The following IQSEC3 variants were observed in gnomAD, a reference collection of about 807,000 sequenced individuals.
IQSEC3 encodes IQ motif and Sec7 domain ArfGEF 3.
In IQSEC3, 50 loss-of-function variants were observed where a neutral mutation model predicts 105.4. The ratio of observed to expected loss-of-function variants is 0.47; its 90% CI spans 0.38 to 0.60. The LOEUF is 0.60. Among genes scored for constraint, IQSEC3 ranks in the 20% least tolerant of loss-of-function variants. The pLI is 0.00. For missense variants in IQSEC3, 1,415 were observed against 1,630.0 expected (o/e 0.87, Z 2.27); for synonymous variants, 708 against 746.0 (o/e 0.95, Z 0.83).
chr12:163,479 C>G lies in IQSEC3; in HGVS notation c.2584-15C>G. ...GCCTCTGGTCTCTCCCGCTGAGCGC[C>G]CTGCCCGCGTGCAGGTGCTGTCCGT... is the stretch of plus-strand genomic sequence containing the variant. On this transcript the variant is annotated splice_polypyrimidine_tract_variant and intron_variant, in intron 8 of 13. Coordinates refer to ENST00000538872, the MANE Select transcript of IQSEC3 (RefSeq NM_001170738.2). 6.3e-7 allele frequency: 1 copy of G among 1,594,548 alleles called. No homozygotes were observed. The highest frequency in any genetic ancestry group is 1.7e-4 in the Middle Eastern group (1 of 5,998).
intron 1 of IQSEC3, among the ~76,000 whole-genome samples, chr12:73,024 T>C (rs1401618953): frequency 1.5e-5 from 2 of 136,030 alleles, no homozygotes; most frequent in Non-Finnish European, 3.1e-5. Flanking sequence ...CCAGCCTGGG[T>C]GACAGAGCGA....
intron 5 of IQSEC3, among the ~76,000 whole-genome samples, chr12:151,513 G>A (rs1555092686): frequency 6.6e-6 from 1 of 152,152 alleles, no homozygotes; most frequent in Non-Finnish European, 1.5e-5. Flanking sequence ...CTCTGCAGTA[G>A]CATCCTAACT....
In IQSEC3 at chr12:164,003, C is replaced by T. The variant is rs570359385; in HGVS notation, c.2709+384C>T. 2.0e-5 allele frequency among the ~76,000 whole-genome samples: 3 copies of T among 152,318 alleles called. 1 individual carries two copies. The South Asian group carries it at 6.2e-4, about 32-fold the overall frequency. On this transcript the variant is annotated intron_variant, in intron 9 of 13. Transcript: ENST00000538872. ...AGGGCCTAGGCGGAGCATGCTCTGT[C>T]CCTGGGCCTAGGCGAGGCTGGTGTG... is the stretch of plus-strand genomic sequence containing the variant.
At chr12:110,162 T>C (rs140500257) in intron 2 of IQSEC3, among the ~76,000 whole-genome samples, 283 of 152,306 alleles carry the variant, frequency 1.9e-3, no homozygotes, top group African/African-American at 6.5e-3. Flanking sequence ...TTTTTTACTT[T>C]TTCTCTTTCT....
At position 99,157 on chromosome 12, in the gene IQSEC3, T is replaced by C. The variant is rs966822796; in HGVS notation, c.566T>C (p.Val189Ala). Residue 189 changes from valine to alanine, a missense_variant, in exon 2 of 14, where the codon GTG (valine) becomes GCG (alanine). Physicochemically the swap from Val to Ala is moderately conservative, Grantham distance 64 (BLOSUM62 0). Transcript: ENST00000538872. ...VLSRRPENET[V>A]LHQFCCPAAD... Reference sequence around the variant, plus strand: ...TGCTCTGCCCGCAGGAATGAGACCGTGCTGCACCAGTTCTGCTGCCCAGCC... The same window carrying C: ...TGCTCTGCCCGCAGGAATGAGACCGCGCTGCACCAGTTCTGCTGCCCAGCC... 3.8e-6 allele frequency: 6 copies of C among 1,598,764 alleles called. No homozygotes were observed. The highest frequency in any genetic ancestry group is 5.1e-6 in the Non-Finnish European group (6 of 1,179,714).
intron 2 of IQSEC3, chr12:111,707 A>G (rs1271805781): frequency 6.6e-6 from 1 of 152,112 alleles, no homozygotes; most frequent in African/African-American, 2.4e-5. Flanking sequence ...AGGTTTGTCT[A>G]TGGCTTCTTC....
rs552319192 is a variant in IQSEC3, at chr12:125,487, C to G, written c.624-146C>G. On this transcript the variant is annotated intron_variant, in intron 2 of 13. Coordinates refer to ENST00000538872, the MANE Select transcript of IQSEC3 (RefSeq NM_001170738.2). ...TCATCCCTGCCATGGTAGCCCCTCCCTAGAGGAGACTGTGAAAGACACCCC... is the reference window on the plus strand; with the variant it reads ...TCATCCCTGCCATGGTAGCCCCTCCGTAGAGGAGACTGTGAAAGACACCCC... 528 of 807,764 alleles carry G rather than the reference C, an allele frequency of 6.5e-4. 3 individuals are homozygous for G. The highest frequency in any genetic ancestry group is 1.9e-4 in the Non-Finnish European group (105 of 562,394). 50.0% of individuals were successfully genotyped at this position (807,764 alleles called of 1,614,324 possible).
intron 5 of IQSEC3, among the ~76,000 whole-genome samples, chr12:146,082 A>G (rs1397227360): frequency 6.6e-6 from 1 of 152,232 alleles, no homozygotes; most frequent in African/African-American, 2.4e-5. Flanking sequence ...CCATGGAAAT[A>G]TGTTGGCCAG....
intron 1 of IQSEC3, among the ~76,000 whole-genome samples, chr12:78,548 C>T (rs1404909744): frequency 6.6e-6 from 1 of 151,990 alleles, no homozygotes; most frequent in East Asian, 1.9e-4. Context: ...TTATCTTGGC[C>T]TTCTCATGTT....
rs1555088086 is a variant in IQSEC3, at chr12:139,057, G to A, written c.1694G>A (p.Gly565Glu). The A allele has an allele frequency of 6.7e-7, 1 of 1,484,980 alleles. No individual in the cohort carries two copies. Among genetic ancestry groups the A allele is most frequent in the Non-Finnish European group, 9.0e-7 (1 of 1,116,774 alleles). The allele number at this position is 1,484,980 out of a possible 1,614,324, so 92.0% of individuals were successfully genotyped here. A position where few individuals can be genotyped will look rare whatever the true frequency, so the allele number is the denominator to read the frequency against. ...AEAAASGAAD[G>E]ATAPKTEEEE... ...GCTGCGGCTAGTGGGGCGGCGGATG[G>A]GGCCACAGCCCCCAAAACAGAGGAG... Residue 565 changes from glycine to glutamate, a missense_variant, in exon 4 of 14, where the codon GGG becomes GAG. Physicochemically the swap from Gly to Glu is moderately conservative, Grantham distance 98. Around this residue, in one of 6 missense-constraint regions of IQSEC3, gnomAD observed 720 missense variants for 633.0 expected, o/e 1.14. Coordinates refer to ENST00000538872, the MANE Select transcript of IQSEC3 (RefSeq NM_001170738.2).
At chr12:159,331 G>A (rs1166838963) in intron 7 of IQSEC3, among the ~76,000 whole-genome samples, 1 of 152,224 alleles carries the variant, frequency 6.6e-6, no homozygotes, top group Non-Finnish European at 1.5e-5. Context: ...CAGTGGCTGG[G>A]CCAGGGCACA....
chr12:74,697 G>C (rs1490741875), intron 1 of IQSEC3, among the ~76,000 whole-genome samples: 3 of 152,284 alleles, frequency 2.0e-5, no homozygotes, highest in Admixed American at 6.5e-5. Flanking sequence ...CACAGCTTCA[G>C]GGGCTAGAGG....
Position 152,922 on chromosome 12 carries a change from T to C in IQSEC3, c.2154-4103T>C, listed in dbSNP as rs927543802. ...CTTAAAGATGACCAATGAGGAGAGATGACTCCAGGCCACCCTGGGTGGAGG... is the reference window on the plus strand; with the variant it reads ...CTTAAAGATGACCAATGAGGAGAGACGACTCCAGGCCACCCTGGGTGGAGG... On this transcript the variant is annotated intron_variant, in intron 5 of 13. Coordinates refer to ENST00000538872, the MANE Select transcript of IQSEC3 (RefSeq NM_001170738.2). This position sits in a 1 kb window ranked among gnomAD's most constrained non-coding sequence, Gnocchi z 4.8. Among the ~76,000 whole-genome samples, 1 of 152,066 alleles carries C rather than the reference T, an allele frequency of 6.6e-6. No homozygotes were observed. Among genetic ancestry groups the C allele is most frequent in the Non-Finnish European group, 1.5e-5 (1 of 68,002 alleles).
chr12:82,331 T>C (rs1458491884), intron 1 of IQSEC3, among the ~76,000 whole-genome samples: 1 of 152,076 alleles, frequency 6.6e-6, no homozygotes, highest in Non-Finnish European at 1.5e-5. Context: ...ACTGGCAAAA[T>C]ATATGTTTGA....
At chr12:112,296 G>C (rs1348908675) in intron 2 of IQSEC3, among the ~76,000 whole-genome samples, 1 of 151,650 alleles carries the variant, frequency 6.6e-6, no homozygotes, top group East Asian at 1.9e-4. Context: ...GTGGGGAAGT[G>C]GGGGGAAGGG....
At chr12:151,770 C>G (rs886613283) in intron 5 of IQSEC3, among the ~76,000 whole-genome samples, 3 of 152,200 alleles carry the variant, frequency 2.0e-5, no homozygotes, top group African/African-American at 2.4e-5. Context: ...CCTTGCGGAC[C>G]CTGCCTAGGT....
chr12:165,387 G>GT (rs1565448918), intron 9 of IQSEC3, 47 bp from the exon 10 acceptor site: 1 of 1,446,784 alleles, frequency 6.9e-7, no homozygotes, highest in South Asian at 1.1e-5. Flanking sequence ...CCATGTGTCC[G>GT]TGAGTGTCTG....
chr12:110,212 CT>C, intron 2 of IQSEC3, among the ~76,000 whole-genome samples: 1 of 152,164 alleles, frequency 6.6e-6, no homozygotes, highest in South Asian at 2.1e-4. Context: ...TTACAAAAAC[CT>C]TCTGAGCTTC....
In IQSEC3 at chr12:93,307, G is replaced by A. The variant is rs1864149207; in HGVS notation, c.555-5839G>A. 5.3e-5 allele frequency among the ~76,000 whole-genome samples: 8 copies of A among 152,306 alleles called. No homozygotes were observed. In the South Asian group the frequency reaches 1.7e-3, roughly 32 times the overall value. On this transcript the variant is annotated intron_variant, in intron 1 of 13. Coordinates refer to ENST00000538872, the MANE Select transcript of IQSEC3 (RefSeq NM_001170738.2). ...AGAAAGCCTTACTCTGGGGTCTGTG[G>A]ACAGAAGCAGGTTGTGCCCATGGTC...
Sources: allele counts gnomAD v4.1 joint callset (sites outside exome capture counted in the v4.1 genomes callset), GRCh38; gene constraint gnomAD v4.1.1; regional missense constraint gnomAD v4.1.1; non-coding constraint Gnocchi (gnomAD v3.1); transcripts MANE v1.5; gene names NCBI Gene and HGNC (gene_info 2026-07-23, HGNC 2026-07-21).